The following DCC variants were observed in gnomAD, a reference collection of about 807,000 sequenced individuals.
DCC encodes DCC netrin 1 receptor.
In DCC, 58 loss-of-function variants were observed where a neutral mutation model predicts 172.5. The ratio of observed to expected loss-of-function variants is 0.34; its 90% CI spans 0.27 to 0.42. The LOEUF (loss-of-function observed/expected upper bound fraction) is 0.42. Ranked by LOEUF, DCC falls within the 10% of genes least tolerant of loss-of-function variation. DCC has a pLI of 1.00. For synonymous variants in DCC, 709 were observed against 644.5 expected (o/e 1.10, Z -1.52); for missense variants, 1,740 against 1,791.0 (o/e 0.97, Z 0.51).
intron 1 of DCC, among the ~76,000 whole-genome samples, chr18:52,557,133 C>T (rs188973597): frequency 4.6e-5 from 7 of 152,192 alleles, no homozygotes; most frequent in Admixed American, 4.6e-4. Flanking sequence ...CACATATTCG[C>T]CCCATTTCTT....
intron 3 of DCC, among the ~76,000 whole-genome samples, chr18:52,907,513 C>G (rs1163657763): frequency 6.6e-6 from 1 of 152,036 alleles, no homozygotes; most frequent in African/African-American, 2.4e-5. Flanking sequence ...ACTTCCCAGT[C>G]TCAGGTGTTC....
chr18:52,915,444 GTAT>G (rs2040026516), intron 3 of DCC, among the ~76,000 whole-genome samples: 1 of 152,056 alleles, frequency 6.6e-6, no homozygotes, highest in African/African-American at 2.4e-5. Context: ...ATGCCCCTCA[GTAT>G]GTCACACACA....
intron 1 of DCC, among the ~76,000 whole-genome samples, chr18:52,344,069 C>G (rs746689717): frequency 6.6e-6 from 1 of 152,240 alleles, no homozygotes; most frequent in Non-Finnish European, 1.5e-5. Flanking sequence ...CTTTAATGCT[C>G]TTAAAAGCCA....
At chr18:53,340,783 C>A (rs1368944287) in intron 15 of DCC, among the ~76,000 whole-genome samples, 3 of 152,044 alleles carry the variant, frequency 2.0e-5, no homozygotes, top group Non-Finnish European at 4.4e-5. Context: ...TGATTTAATA[C>A]CGTATTACAT....
chr18:52,765,199 A>ATTTTTTTTTTTTTTTTTTTTTTT lies in DCC; in HGVS notation c.412+12825_412+12826insTTTTTTTTTTTTTTTTTTTTTTT, dbSNP rs369735420. ...CAGGCATGTGCTAGCACTCCTGGCT[A>ATTTTTTTTTTTTTTTTTTTTTTT]ATTTTTTTTTTTTTTTTTTGTATTT... is the stretch of plus-strand genomic sequence containing the variant. On this transcript the variant is annotated intron_variant, in intron 2 of 28. Coordinates refer to ENST00000442544, the MANE Select transcript of DCC (RefSeq NM_005215.4). Among the ~76,000 whole-genome samples, 3 of 120,116 alleles carry ATTTTTTTTTTTTTTTTTTTTTTT rather than the reference A, an allele frequency of 2.5e-5. 1 individual carries two copies. Among genetic ancestry groups the ATTTTTTTTTTTTTTTTTTTTTTT allele is most frequent in the Non-Finnish European group, 5.0e-5 (3 of 59,912 alleles). 78.8% of individuals were successfully genotyped at this position (120,116 alleles called of 152,430 possible). A position where few individuals can be genotyped will look rare whatever the true frequency, so the allele number is the denominator to read the frequency against.
intron 27 of DCC, among the ~76,000 whole-genome samples, chr18:53,505,718 A>ATAGAAGACAT (rs775548420): frequency 6.6e-6 from 1 of 152,216 alleles, no homozygotes; most frequent in Non-Finnish European, 1.5e-5. Context: ...TTGTAACCTA[A>ATAGAAGACAT]TAGAAGACAT....
intron 15 of DCC, among the ~76,000 whole-genome samples, chr18:53,349,432 T>C (rs2057762323): frequency 6.6e-6 from 1 of 152,214 alleles, no homozygotes; most frequent in South Asian, 2.1e-4. Flanking sequence ...CCCTCCACAC[T>C]GTTTCAACCT....
At chr18:52,673,570 C>A (rs1405102022) in intron 1 of DCC, among the ~76,000 whole-genome samples, 2 of 152,126 alleles carry the variant, frequency 1.3e-5, no homozygotes. Context: ...CAGTGTTTGC[C>A]AAGTTTCTTC....
intron 15 of DCC, among the ~76,000 whole-genome samples, chr18:53,346,502 G>A (rs573373391): frequency 2.0e-5 from 3 of 151,898 alleles, no homozygotes; most frequent in Admixed American, 6.6e-5. Context: ...TCTTGATATT[G>A]AGTGATTTAT....
chr18:52,445,523 C>G (rs1324678449), intron 1 of DCC, among the ~76,000 whole-genome samples: 1 of 152,148 alleles, frequency 6.6e-6, no homozygotes, highest in East Asian at 1.9e-4. Flanking sequence ...ATATTGTGTG[C>G]TCTTCAAATG....
At chr18:53,341,651 C>T (rs549257243) in intron 15 of DCC, among the ~76,000 whole-genome samples, 2 of 152,216 alleles carry the variant, frequency 1.3e-5, no homozygotes, top group Non-Finnish European at 2.9e-5. Context: ...CAGTAATTAG[C>T]ATGTTGTTGT....
At chr18:53,061,990 G>A (rs535922809) in intron 5 of DCC, among the ~76,000 whole-genome samples, 1 of 152,096 alleles carries the variant, frequency 6.6e-6, no homozygotes, top group Admixed American at 6.5e-5. Flanking sequence ...CTGCTCAGAG[G>A]TATTCAAGTA....
At chr18:53,104,656 T>C (rs114586818) in intron 7 of DCC, among the ~76,000 whole-genome samples, 17 of 152,182 alleles carry the variant, frequency 1.1e-4, no homozygotes, top group African/African-American at 3.8e-4. Context: ...GTTTTACAAA[T>C]AGGCAATGAG....
At chr18:53,245,020 A>T (rs2056348905) in intron 12 of DCC, among the ~76,000 whole-genome samples, 1 of 152,046 alleles carries the variant, frequency 6.6e-6, no homozygotes, top group Non-Finnish European at 1.5e-5. Context: ...TGATCTTTAA[A>T]TTTTCTCACT....
intron 14 of DCC, among the ~76,000 whole-genome samples, chr18:53,322,767 A>G (rs1202941569): frequency 6.6e-6 from 1 of 151,756 alleles, no homozygotes. Flanking sequence ...ATTGCTCTGG[A>G]AATAAAAACA....
intron 2 of DCC, among the ~76,000 whole-genome samples, chr18:52,859,005 T>C (rs1043418223): frequency 3.3e-5 from 5 of 151,978 alleles, no homozygotes; most frequent in African/African-American, 1.2e-4. Flanking sequence ...ACTTTTCATA[T>C]ATTAGTGATG....
chr18:52,412,344 T>C (rs2144406145), intron 1 of DCC, among the ~76,000 whole-genome samples: 1 of 152,236 alleles, frequency 6.6e-6, no homozygotes, highest in South Asian at 2.1e-4. Flanking sequence ...GGATATGAGG[T>C]AAATAAGACA....
intron 7 of DCC, among the ~76,000 whole-genome samples, chr18:53,107,188 C>T (rs1056905639): frequency 7.9e-5 from 12 of 151,874 alleles, no homozygotes; most frequent in African/African-American, 1.9e-4. Context: ...CTGGCTCCAA[C>T]GCCTCTGACA....
Position 53,339,825 on chromosome 18 carries a change from T to C in DCC, c.2277T>C (p.Ile759=). ...LNPNIVVRGY[I]IGYGVGSPYA... is the part of the protein sequence containing the mutation. Reference sequence around the variant, plus strand: ...CAAACATCGTGGTGCGAGGTTATATTATCGGTTATGGCGTTGGGAGCCCTT... The same window carrying C: ...CAAACATCGTGGTGCGAGGTTATATCATCGGTTATGGCGTTGGGAGCCCTT... The change falls in exon 15 of 29, where the codon ATT becomes ATC. Residue 759 remains isoleucine (I), a synonymous_variant. Transcript: ENST00000442544. The C allele has an allele frequency of 6.2e-7, 1 of 1,614,034 alleles. No homozygotes were observed. The highest frequency in any genetic ancestry group is 1.3e-5 in the African/African-American group (1 of 75,040).
Sources: gnomAD v4.1 joint callset for allele counts (sites outside exome capture counted in the v4.1 genomes callset) on GRCh38, gnomAD v4.1.1 for gene constraint, MANE v1.5 for transcripts, NCBI Gene and HGNC (gene_info 2026-07-23, HGNC 2026-07-21) for gene names.